The following KCNIP1 variants were observed in gnomAD, a reference collection of about 807,000 sequenced individuals.
The protein encoded by KCNIP1 is A-type potassium channel modulatory protein KCNIP1.
In KCNIP1, 18 loss-of-function variants were observed where a neutral mutation model predicts 33.0. The observed-to-expected ratio is 0.55, with a 90% CI of 0.38 to 0.81. The LOEUF (loss-of-function observed/expected upper bound fraction) is 0.81, where lower values mean the gene tolerates loss of function less well. Ranked by LOEUF, KCNIP1 falls within the 30% of genes least tolerant of loss-of-function variation. The pLI, the probability that KCNIP1 is intolerant of heterozygous loss-of-function variation, is 0.00. For synonymous variants in KCNIP1, 93 were observed against 98.3 expected, an observed-to-expected ratio of 0.95 and a Z score of 0.32; for missense variants, 238 against 271.6, an observed-to-expected ratio of 0.88 and a Z score of 0.87.
chr5:170,563,625 GTGTTT>G (rs1340045201), intron 1 of KCNIP1, among the ~76,000 whole-genome samples: 1 of 90,574 alleles, frequency 1.1e-5, no homozygotes, highest in Non-Finnish European at 2.2e-5. Flanking sequence ...TAGTTTTAAG[GTGTTT>G]TGTTTTTTTT....
chr5:170,670,256 G>C (rs1761861790), intron 1 of KCNIP1, among the ~76,000 whole-genome samples: 1 of 152,206 alleles, frequency 6.6e-6, no homozygotes, highest in African/African-American at 2.4e-5. Context: ...TGGATGGATG[G>C]ACAGATGGAC....
chr5:170,436,790 C>T (rs1243335829), intron 1 of KCNIP1, among the ~76,000 whole-genome samples: 2 of 152,172 alleles, frequency 1.3e-5, no homozygotes, highest in African/African-American at 2.4e-5. Context: ...ACATGCCCAG[C>T]TGTTTAGAGC....
intron 1 of KCNIP1, among the ~76,000 whole-genome samples, chr5:170,665,889 G>C (rs945533575): frequency 1.1e-4 from 16 of 152,188 alleles, no homozygotes; most frequent in Non-Finnish European, 1.5e-4. Context: ...AGAGCACAGA[G>C]GTAAAGTACC....
chr5:170,604,907 A>G (rs995159330), intron 1 of KCNIP1, among the ~76,000 whole-genome samples: 1 of 152,216 alleles, frequency 6.6e-6, no homozygotes, highest in African/African-American at 2.4e-5. Flanking sequence ...AAAAGAGGCC[A>G]TTTGCACTGG....
intron 1 of KCNIP1, among the ~76,000 whole-genome samples, chr5:170,691,488 G>A (rs953912750): frequency 5.3e-5 from 8 of 152,202 alleles, no homozygotes; most frequent in African/African-American, 1.7e-4. Flanking sequence ...TTTCCTGAGA[G>A]TTAGTTTCCT....
chr5:170,504,334 A>C lies in KCNIP1; in HGVS notation c.-239A>C. On this transcript the variant is annotated 5_prime_UTR_variant, in exon 1 of 8. Transcript: ENST00000328939. This position sits in a 1 kb window ranked among gnomAD's most constrained non-coding sequence, Gnocchi z 6.0. ...GCCGGGCCGGGTCCTCGCGCGGGGA[A>C]GCGGTTCCGAAGGCTCGCGGGGAGC... 5.9e-6 allele frequency: 8 copies of C among 1,363,442 alleles called. No homozygotes were observed. The highest frequency in any genetic ancestry group is 7.5e-6 in the Non-Finnish European group (8 of 1,061,834). The allele number at this position is 1,363,442 out of a possible 1,614,324, so 84.5% of individuals were successfully genotyped here.
intron 1 of KCNIP1, among the ~76,000 whole-genome samples, chr5:170,505,394 G>C (rs1245477647): frequency 6.6e-6 from 1 of 152,154 alleles, no homozygotes; most frequent in Admixed American, 6.5e-5. Flanking sequence ...GGACAATGCA[G>C]GTCTCCTTAC....
At chr5:170,371,187 C>A (rs1047894451) in intron 1 of KCNIP1, among the ~76,000 whole-genome samples, 1 of 152,192 alleles carries the variant, frequency 6.6e-6, no homozygotes, top group African/African-American at 2.4e-5. Context: ...TCCAGTTGGG[C>A]GTGTGATGAG....
At chr5:170,503,393 CAA>C (rs10628243), upstream of KCNIP1, among the ~76,000 whole-genome samples, 5 of 112,514 alleles carry the variant, frequency 4.4e-5, no homozygotes, top group Non-Finnish European at 5.4e-5. Flanking sequence ...GACTCCGTCT[CAA>C]AAAAAAAAAA....
chr5:170,714,089 C>T (rs767784434), intron 1 of KCNIP1, among the ~76,000 whole-genome samples: 2 of 151,862 alleles, frequency 1.3e-5, no homozygotes, highest in Non-Finnish European at 1.5e-5. Context: ...GAGGGAGGCA[C>T]TATTGGCCAG....
intron 1 of KCNIP1, among the ~76,000 whole-genome samples, chr5:170,441,180 G>C (rs1755979236): frequency 6.6e-6 from 1 of 152,206 alleles, no homozygotes; most frequent in Admixed American, 6.5e-5. Flanking sequence ...AGCCCAGCAG[G>C]GCCTCTGCCC....
chr5:170,407,547 T>C (rs1755069389), intron 1 of KCNIP1, among the ~76,000 whole-genome samples: 1 of 152,154 alleles, frequency 6.6e-6, no homozygotes, highest in African/African-American at 2.4e-5. Flanking sequence ...CTGTTGAATA[T>C]TTTTTAAAGA....
At chr5:170,501,369 G>T (rs1293286557), upstream of KCNIP1, among the ~76,000 whole-genome samples, 3 of 152,202 alleles carry the variant, frequency 2.0e-5, no homozygotes, top group South Asian at 6.2e-4. Context: ...AGGGGTCTGG[G>T]TGGCTGAGCC....
At chr5:170,431,924 T>C (rs1441326787) in intron 1 of KCNIP1, among the ~76,000 whole-genome samples, 1 of 152,088 alleles carries the variant, frequency 6.6e-6, no homozygotes, top group Non-Finnish European at 1.5e-5. Context: ...TCCACTCTCT[T>C]CTCTAAGGCT....
chr5:170,716,018 T>A (rs1179329574), intron 1 of KCNIP1, among the ~76,000 whole-genome samples: 1 of 152,090 alleles, frequency 6.6e-6, no homozygotes, highest in African/African-American at 2.4e-5. Context: ...AGGAGGGTGG[T>A]GAAAACCGCT....
chr5:170,598,212 G>C (rs936628159), intron 1 of KCNIP1, among the ~76,000 whole-genome samples: 1 of 152,296 alleles, frequency 6.6e-6, no homozygotes, highest in Middle Eastern at 3.4e-3. Flanking sequence ...CCTTTGAATG[G>C]GAGATGAGGG....
intron 1 of KCNIP1, among the ~76,000 whole-genome samples, chr5:170,432,036 C>CT (rs528593013): frequency 0.097 from 14,092 of 145,362 alleles, 725 homozygotes; most frequent in Middle Eastern, 0.13. Context: ...CTCTCTTTCT[C>CT]TTTTTTTTTT....
chr5:170,642,183 C>T (rs1760590357), intron 1 of KCNIP1: 1 of 152,438 alleles, frequency 6.6e-6, no homozygotes, highest in Non-Finnish European at 1.5e-5. Context: ...GAGCATCCAC[C>T]TGCGTGCGCA....
At chr5:170,712,839 C>T in intron 1 of KCNIP1, 1 of 1,613,544 alleles carries the variant, frequency 6.2e-7, no homozygotes, top group Non-Finnish European at 8.5e-7. Flanking sequence ...AAAATGTTTT[C>T]TCACTCTTTC....
Sources: allele counts gnomAD v4.1 joint callset (sites outside exome capture counted in the v4.1 genomes callset), GRCh38; gene constraint gnomAD v4.1.1; non-coding constraint Gnocchi (gnomAD v3.1); transcripts MANE v1.5; gene names NCBI Gene and HGNC (gene_info 2026-07-23, HGNC 2026-07-21).